The following NFIX variants were observed in gnomAD, a reference collection of about 807,000 sequenced individuals.
The protein encoded by NFIX is nuclear factor I X, also known as nuclear factor 1 X-type.
In NFIX, 2 loss-of-function variants were observed where a neutral mutation model predicts 53.3. The observed-to-expected ratio is 0.04, with a 90% CI of 0.02 to 0.12. The LOEUF is 0.12. Among genes scored for constraint, NFIX ranks in the 10% least tolerant of loss-of-function variants. The pLI is 1.00. For missense variants in NFIX, 310 were observed against 674.5 expected (o/e 0.46, Z 5.99); for synonymous variants, 244 against 289.0 (o/e 0.84, Z 1.58).
chr19:13,050,811 A>C (rs892139892), intron 2 of NFIX, among the ~76,000 whole-genome samples: 1 of 152,064 alleles, frequency 6.6e-6, no homozygotes, highest in Admixed American at 6.5e-5. Flanking sequence ...AGGTGACCTA[A>C]CTGTTCCAGA....
In NFIX at chr19:13,089,285, G is replaced by T. The variant is rs1438323677; in HGVS notation, c.1403-1014G>T. On this transcript the variant is annotated intron_variant, in intron 9 of 10. Coordinates refer to ENST00000592199, the MANE Select transcript of NFIX (RefSeq NM_001365902.3). The surrounding 1 kb of genome is among the most constrained non-coding windows in gnomAD (Gnocchi z 4.8). ...CATGGAGTCCCTGGGTGTGTCTGGT[G>T]CAGGGCAGCGGCGGGCCTTCCAGGT... Among the ~76,000 whole-genome samples the T allele has an allele frequency of 6.6e-6, 1 of 152,160 alleles. No individual in the cohort carries two copies. The highest frequency in any genetic ancestry group is 1.5e-5 in the Non-Finnish European group (1 of 68,014).
intron 2 of NFIX, among the ~76,000 whole-genome samples, chr19:13,042,012 C>T (rs1416393993): frequency 6.6e-6 from 1 of 151,896 alleles, no homozygotes; most frequent in African/African-American, 2.4e-5. Context: ...ATTCTGCTGC[C>T]TCAGCCTCCC....
Position 13,025,314 on chromosome 19 carries a change from C to T in NFIX, c.321C>T (p.Asn107=), listed in dbSNP as rs1222060468. ...AGCCCCCCTGCTGCGTGCTCTCCAA[C>T]CCCGACCAGAAGGGCAAGATCCGGC... is the stretch of plus-strand genomic sequence containing the variant. ...GKKPPCCVLS[N]PDQKGKIRRI... Residue 107 remains asparagine, a synonymous_variant, in exon 2 of 11, where the codon AAC becomes AAT. Coordinates refer to ENST00000592199, the MANE Select transcript of NFIX (RefSeq NM_001365902.3). This position sits in a 1 kb window ranked among gnomAD's most constrained non-coding sequence, Gnocchi z 7.5. 1 of 1,614,006 alleles carries T rather than the reference C, an allele frequency of 6.2e-7. No homozygotes were observed. The highest frequency in any genetic ancestry group is 1.3e-5 in the African/African-American group (1 of 74,948).
chr19:13,044,558 A>AGTGCAGTGAGTAGGGGG (rs1274693998), intron 2 of NFIX, among the ~76,000 whole-genome samples: 1 of 152,114 alleles, frequency 6.6e-6, no homozygotes, highest in Non-Finnish European at 1.5e-5. Flanking sequence ...CTGTAGTAGG[A>AGTGCAGTGAGTAGGGGG]GTGCAGTGAG....
rs1761601046 is a variant in NFIX, at chr19:13,072,035, A to T, written c.560-1012A>T. ...GCAAAGCCCTGGCCAATACCAAGGC[A>T]CGTTTTTCAGATGCCACCCCCATGT... is the stretch of plus-strand genomic sequence containing the variant. On this transcript the variant is annotated intron_variant, in intron 2 of 10. Coordinates refer to ENST00000592199, the MANE Select transcript of NFIX (RefSeq NM_001365902.3). The surrounding 1 kb of genome is among the most constrained non-coding windows in gnomAD (Gnocchi z 4.0). Among the ~76,000 whole-genome samples, 1 of 152,226 alleles carries T rather than the reference A, an allele frequency of 6.6e-6. No individual in the cohort carries two copies. Among genetic ancestry groups the T allele is most frequent in the Admixed American group, 6.5e-5 (1 of 15,288 alleles).
chr19:13,067,901 C>T lies in NFIX; in HGVS notation c.560-5146C>T, dbSNP rs956168099. On this transcript the variant is annotated intron_variant, in intron 2 of 10. Transcript: ENST00000592199. The surrounding 1 kb of genome is among the most constrained non-coding windows in gnomAD (Gnocchi z 4.2). ...CGGGCGGATCACCAGGTCAGGAGAT[C>T]GAGACCATCCTGGCTAACACTGTGA... is the stretch of plus-strand genomic sequence containing the variant. Among the ~76,000 whole-genome samples the T allele has an allele frequency of 7.2e-5, 11 of 151,934 alleles. No homozygotes were observed. The highest frequency in any genetic ancestry group is 1.5e-5 in the Non-Finnish European group (1 of 67,970).
rs2018455551 is a variant in NFIX, at chr19:13,096,360, A to C, written c.*1711A>C. The C allele has an allele frequency of 6.6e-6, 1 of 152,068 alleles. No individual in the cohort carries two copies. Among genetic ancestry groups the C allele is most frequent in the Non-Finnish European group, 1.5e-5 (1 of 68,022 alleles). The allele number at this position is 152,068 out of a possible 1,614,324, so 9.4% of individuals were successfully genotyped here. ...GCTGTGGCCCCGAGCTGGCGGAGGGAGGGAAGAGGAGGGAGTGACGGGAGG... is the reference window on the plus strand; with the variant it reads ...GCTGTGGCCCCGAGCTGGCGGAGGGCGGGAAGAGGAGGGAGTGACGGGAGG... On this transcript the variant is annotated 3_prime_UTR_variant, in exon 11 of 11. Coordinates refer to ENST00000592199, the MANE Select transcript of NFIX (RefSeq NM_001365902.3).
rs1283498833 is a variant in NFIX, at chr19:13,072,611, G to C, written c.560-436G>C. Among the ~76,000 whole-genome samples the C allele has an allele frequency of 2.0e-5, 3 of 152,228 alleles. No individual in the cohort carries two copies. The highest frequency in any genetic ancestry group is 4.4e-5 in the Non-Finnish European group (3 of 68,026). ...GAGATGGTCTCTGACTTCTCTCTTG[G>C]GACCCCTCTTTGCTCCTGACTCTTG... is the stretch of plus-strand genomic sequence containing the variant. On this transcript the variant is annotated intron_variant, in intron 2 of 10. Transcript: ENST00000592199. This position sits in a 1 kb window ranked among gnomAD's most constrained non-coding sequence, Gnocchi z 4.0.
chr19:13,026,876 C>G (rs2013407245), intron 2 of NFIX, among the ~76,000 whole-genome samples: 1 of 152,120 alleles, frequency 6.6e-6, no homozygotes, highest in Non-Finnish European at 1.5e-5. Context: ...AAGGTTGTTT[C>G]TCCGCGAGTG....
intron 8 of NFIX, 64 bp from the exon 9 acceptor site, chr19:13,087,925 G>T: frequency 6.5e-7 from 1 of 1,528,408 alleles, no homozygotes; most frequent in Non-Finnish European, 8.8e-7. Flanking sequence ...GCGCGGCCGC[G>T]CAGGGGAGCG....
In NFIX at chr19:13,028,203, C is replaced by T. The variant is rs2013521173; in HGVS notation, c.559+2651C>T. 6.6e-6 allele frequency among the ~76,000 whole-genome samples: 1 copy of T among 152,266 alleles called. No homozygotes were observed. Among genetic ancestry groups the T allele is most frequent in the Non-Finnish European group, 1.5e-5 (1 of 68,048 alleles). On this transcript the variant is annotated intron_variant, in intron 2 of 10. Transcript: ENST00000592199. This position sits in a 1 kb window ranked among gnomAD's most constrained non-coding sequence, Gnocchi z 4.2. ...GGCACCACTTTCTCCATGCCCATGC[C>T]TGCCAGGCACACTCAGCAGAGCTGC...
chr19:13,073,414 C>T lies in NFIX; in HGVS notation c.623-8C>T. On this transcript the variant is annotated splice_polypyrimidine_tract_variant and splice_region_variant and intron_variant, in intron 3 of 10. Coordinates refer to ENST00000592199, the MANE Select transcript of NFIX (RefSeq NM_001365902.3). The surrounding 1 kb of genome is among the most constrained non-coding windows in gnomAD (Gnocchi z 4.5). Reference sequence around the variant, plus strand: ...TGTCTTGACTCACTCATCCTTTCCCCTCTTCAGGGCACTTAAGTTTCCAGG... The same window carrying T: ...TGTCTTGACTCACTCATCCTTTCCCTTCTTCAGGGCACTTAAGTTTCCAGG... The T allele has an allele frequency of 6.2e-7, 1 of 1,613,480 alleles. No individual in the cohort carries two copies. Among genetic ancestry groups the T allele is most frequent in the Admixed American group, 1.7e-5 (1 of 60,020 alleles).
At chr19:13,063,874 G>C (rs2016242123) in intron 2 of NFIX, among the ~76,000 whole-genome samples, 1 of 152,142 alleles carries the variant, frequency 6.6e-6, no homozygotes, top group East Asian at 1.9e-4. Flanking sequence ...AAGTGTATTT[G>C]GGGGTAGGAG....
In NFIX at chr19:13,002,224, C is replaced by A. The variant is rs1487683872; in HGVS notation, c.27+6360C>A. On this transcript the variant is annotated intron_variant, in intron 1 of 10. Coordinates refer to ENST00000592199, the MANE Select transcript of NFIX (RefSeq NM_001365902.3). This position sits in a 1 kb window ranked among gnomAD's most constrained non-coding sequence, Gnocchi z 6.1. The stretch of plus-strand genomic sequence containing the variant: ...CTCTCTCTCTCTTTCCTCCCTCTCT[C>A]CTCCCCTCCTCCCCTCCTCCCGCTC... Among the ~76,000 whole-genome samples, 1 of 151,220 alleles carries A rather than the reference C, an allele frequency of 6.6e-6. No individual in the cohort carries two copies. Among genetic ancestry groups the A allele is most frequent in the Admixed American group, 6.6e-5 (1 of 15,204 alleles).
At position 13,045,971 on chromosome 19, in the gene NFIX, A is replaced by G. The variant is rs149471784; in HGVS notation, c.559+20419A>G. Among the ~76,000 whole-genome samples, 212 of 152,286 alleles carry G rather than the reference A, an allele frequency of 1.4e-3. No individual in the cohort carries two copies. The highest frequency in any genetic ancestry group is 2.5e-3 in the Non-Finnish European group (171 of 68,018). Reference sequence around the variant, plus strand: ...GAAGGGCTGACACTCTCCAGCTTCCATCTTGCAAGGACACAGGCCCCACCC... The same window carrying G: ...GAAGGGCTGACACTCTCCAGCTTCCGTCTTGCAAGGACACAGGCCCCACCC... On this transcript the variant is annotated intron_variant, in intron 2 of 10. Transcript: ENST00000592199. The surrounding 1 kb of genome is among the most constrained non-coding windows in gnomAD (Gnocchi z 4.4).
intron 2 of NFIX, among the ~76,000 whole-genome samples, chr19:13,033,777 G>T (rs1402412937): frequency 6.6e-6 from 1 of 152,228 alleles, no homozygotes; most frequent in Non-Finnish European, 1.5e-5. Flanking sequence ...CTCAGGTGAT[G>T]TGCATAATAT....
intron 2 of NFIX, among the ~76,000 whole-genome samples, chr19:13,026,447 G>A (rs568828023): frequency 4.3e-4 from 65 of 150,920 alleles, no homozygotes; most frequent in South Asian, 3.8e-3. Flanking sequence ...GCTTCTCTTC[G>A]CTTTTCCAGT....
chr19:13,047,500 C>T (rs1401140273), intron 2 of NFIX, among the ~76,000 whole-genome samples: 2 of 152,156 alleles, frequency 1.3e-5, no homozygotes, highest in South Asian at 2.1e-4. Context: ...TAGAAAATGT[C>T]GGCTCTGACT....
intron 1 of NFIX, 53 bp from the exon 2 acceptor site, chr19:13,024,952 CCCCCTCATCCCGTCTT>C: frequency 1.3e-6 from 2 of 1,541,540 alleles, no homozygotes; most frequent in Non-Finnish European, 1.8e-6. Flanking sequence ...TTCTCTCTTT[CCCCCTCATCCCGTCTT>C]CCCCTCCTCC....
Sources: allele counts gnomAD v4.1 joint callset (sites outside exome capture counted in the v4.1 genomes callset), GRCh38; gene constraint gnomAD v4.1.1; non-coding constraint Gnocchi (gnomAD v3.1); transcripts MANE v1.5; gene names NCBI Gene and HGNC (gene_info 2026-07-23, HGNC 2026-07-21).